The following AMY2B variants were observed in gnomAD, a reference collection of about 807,000 sequenced individuals.
The protein encoded by AMY2B is alpha-amylase 2B.
A neutral mutation model predicts 59.3 loss-of-function variants in AMY2B; 63 were observed. The observed-to-expected ratio is 1.06, with a 90% CI of 0.87 to 1.31. The LOEUF (loss-of-function observed/expected upper bound fraction) is 1.31, where lower values mean the gene tolerates loss of function less well. Among genes scored for constraint, AMY2B ranks in the 50% most tolerant of loss-of-function variants. AMY2B has a pLI of 0.00. For missense variants in AMY2B, 635 were observed against 626.7 expected, an observed-to-expected ratio of 1.01 and a Z score of -0.14; for synonymous variants, 180 against 198.1, an observed-to-expected ratio of 0.91 and a Z score of 0.77.
intron 1 of AMY2B, among the ~76,000 whole-genome samples, chr1:103,563,605 T>C (rs1651808571): frequency 6.6e-6 from 1 of 152,160 alleles, no homozygotes. Flanking sequence ...TATATGATAA[T>C]GCCTGACTCT....
chr1:103,569,643 T>C (rs1652042434), upstream of AMY2B: 1 of 396,768 alleles, frequency 2.5e-6, no homozygotes, highest in Non-Finnish European at 5.1e-6. Flanking sequence ...CCAGCCATGT[T>C]TCCTTCCATC....
chr1:103,571,690 C>T lies in AMY2B; in HGVS notation c.88C>T (p.His30Tyr), dbSNP rs548356082. 1.2e-6 allele frequency: 2 copies of T among 1,611,798 alleles called. No individual in the cohort carries two copies. Among genetic ancestry groups the T allele is most frequent in the Admixed American group, 3.3e-5 (2 of 59,998 alleles). The change falls in exon 1 of 10, where the codon CAT (histidine) becomes TAT (tyrosine). Residue 30 changes from histidine (H) to tyrosine (Y), a missense_variant. By Grantham distance (83) the His-to-Tyr change is moderately conservative. Transcript: ENST00000684275. ...NTQQGRTSIV[H>Y]LFEWRWVDIA... ...ACAACAAGGACGGACATCTATTGTT[C>T]ATCTGTTTGAATGGCGATGGGTTGA... is the stretch of plus-strand genomic sequence containing the variant.
chr1:103,561,943 A>C (rs1285705346), intron 1 of AMY2B: 1 of 152,192 alleles, frequency 6.6e-6, no homozygotes, highest in Non-Finnish European at 1.5e-5. Flanking sequence ...ATTGAAAGTA[A>C]GAGGTTATAG....
chr1:103,571,516 A>G (rs527772873), upstream of AMY2B: 3 of 1,580,160 alleles, frequency 1.9e-6, no homozygotes, highest in South Asian at 2.3e-5. Flanking sequence ...TCAAGTATTT[A>G]TTCATGCTAA....
chr1:103,559,070 C>T (rs1225827507), intron 1 of AMY2B, among the ~76,000 whole-genome samples: 1 of 152,100 alleles, frequency 6.6e-6, no homozygotes, highest in Non-Finnish European at 1.5e-5. Flanking sequence ...TTTAAGTATC[C>T]ATGGTGGGTC....
chr1:103,574,300 A>G lies in AMY2B; in HGVS notation c.785A>G (p.Tyr262Cys). ...LGGEPIKSSD[Y>C]FGNGRVTEFK... The stretch of plus-strand genomic sequence containing the variant: ...GGTGAGCCAATTAAAAGCAGTGACT[A>G]CTTTGGAAATGGCCGGGTGACAGAA... Residue 262 changes from tyrosine (Y) to cysteine (C), a missense_variant, in exon 5 of 10, where the codon TAC becomes TGC. Transcript: ENST00000684275. The G allele has an allele frequency of 1.2e-6, 2 of 1,611,802 alleles. No homozygotes were observed. Among genetic ancestry groups the G allele is most frequent in the Non-Finnish European group, 8.5e-7 (1 of 1,179,730 alleles).
intron 1 of AMY2B, among the ~76,000 whole-genome samples, chr1:103,557,280 A>G (rs1651587621): frequency 6.6e-6 from 1 of 152,180 alleles, no homozygotes; most frequent in Admixed American, 6.5e-5. Context: ...CCAGGATATC[A>G]AGTAAGACTG....
intron 1 of AMY2B, among the ~76,000 whole-genome samples, chr1:103,557,222 A>G (rs751826721): frequency 6.6e-6 from 1 of 152,178 alleles, no homozygotes; most frequent in Non-Finnish European, 1.5e-5. Context: ...ATCAGGAAAT[A>G]TATACCCTGT....
At chr1:103,574,216 A>T in intron 4 of AMY2B, 44 bp from the exon 5 acceptor site, 1 of 1,611,494 alleles carries the variant, frequency 6.2e-7, no homozygotes, top group Non-Finnish European at 8.5e-7. Flanking sequence ...AAAATGCTTT[A>T]AAGTCCTTAT....
chr1:103,568,222 G>A (rs917911785), upstream of AMY2B: 3 of 152,192 alleles, frequency 2.0e-5, no homozygotes, highest in African/African-American at 7.2e-5. Flanking sequence ...TTAGCAAAAA[G>A]CAGACACACA....
intron 1 of AMY2B, among the ~76,000 whole-genome samples, chr1:103,560,495 T>G (rs1651700506): frequency 6.6e-6 from 1 of 152,140 alleles, no homozygotes; most frequent in Admixed American, 6.5e-5. Context: ...AAAAATGCAT[T>G]TAGCAGAAAC....
At chr1:103,575,578 G>C in intron 7 of AMY2B, 38 bp downstream of exon 7, 1 of 1,608,436 alleles carries the variant, frequency 6.2e-7, no homozygotes, top group Non-Finnish European at 8.5e-7. Context: ...CTTTTCTCAA[G>C]AAACAGAAGG....
intron 1 of AMY2B, among the ~76,000 whole-genome samples, chr1:103,559,713 A>G (rs185934988): frequency 1.3e-5 from 2 of 152,336 alleles, no homozygotes; most frequent in Admixed American, 1.3e-4. Flanking sequence ...AAAAAATGTG[A>G]AATGATGTTC....
At position 103,573,823 on chromosome 1, in the gene AMY2B, G is replaced by C. The variant is rs1652235859; in HGVS notation, c.629G>C (p.Arg210Thr). ...HLIDIGVAGFRLDASKHMWPG... is the reference protein window; with the variant it reads ...HLIDIGVAGFTLDASKHMWPG... ...ATTGACATTGGTGTTGCAGGGTTCA[G>C]ACTTGATGCTTCCAAGCACATGTGG... Residue 210 changes from arginine to threonine, a missense_variant, in exon 4 of 10, where the codon AGA (arginine) becomes ACA (threonine). Transcript: ENST00000684275. The C allele has an allele frequency of 1.2e-6, 2 of 1,613,712 alleles. No individual in the cohort carries two copies. The highest frequency in any genetic ancestry group is 1.7e-6 in the Non-Finnish European group (2 of 1,179,788).
At chr1:103,568,540 C>T (rs1449800019), upstream of AMY2B, 11 of 151,930 alleles carry the variant, frequency 7.2e-5, no homozygotes, top group Admixed American at 7.2e-4. Context: ...ATAACCAAAA[C>T]TTTGAATTAA....
chr1:103,560,534 T>C (rs1651701827), intron 1 of AMY2B, among the ~76,000 whole-genome samples: 1 of 152,188 alleles, frequency 6.6e-6, no homozygotes, highest in African/African-American at 2.4e-5. Flanking sequence ...GAATTTTTTT[T>C]ACCCTATACC....
chr1:103,572,932 TGTA>T (rs1652193272), intron 2 of AMY2B, 128 bp from the exon 3 acceptor site: 1 of 1,542,590 alleles, frequency 6.5e-7, no homozygotes, highest in African/African-American at 1.4e-5. Context: ...TTTTTGATCT[TGTA>T]GGAAAATAGT....
At chr1:103,572,053 A>G (rs773187003) in intron 1 of AMY2B, 57 bp from the exon 2 acceptor site, 10 of 1,606,912 alleles carry the variant, frequency 6.2e-6, no homozygotes, top group African/African-American at 1.3e-5. Context: ...TAGTTTCTAG[A>G]ACATTCAATG....
intron 7 of AMY2B, 144 bp from the exon 8 acceptor site, chr1:103,577,346 T>G: frequency 6.8e-7 from 1 of 1,460,800 alleles, no homozygotes; most frequent in Non-Finnish European, 9.3e-7. Flanking sequence ...TAAAGGGCTA[T>G]AAAAATTATT....
Sources: gnomAD v4.1 joint callset for allele counts (sites outside exome capture counted in the v4.1 genomes callset) on GRCh38, gnomAD v4.1.1 for gene constraint, MANE v1.5 for transcripts, NCBI Gene and HGNC (gene_info 2026-07-23, HGNC 2026-07-21) for gene names.